The following RADIL variants were observed in gnomAD, a reference collection of about 807,000 sequenced individuals.
The protein encoded by RADIL is ras-associating and dilute domain-containing protein.
In RADIL, 99 loss-of-function variants were observed where a neutral mutation model predicts 97.6. That is an observed-to-expected ratio of 1.01 (90% CI 0.86 to 1.20). RADIL has a LOEUF of 1.20. Among genes scored for constraint, RADIL ranks in the 50% most tolerant of loss-of-function variants. The probability of loss-of-function intolerance (pLI) is 0.00; values close to 1 mark genes in which losing one functional copy is unlikely to be tolerated. For synonymous variants in RADIL, 803 were observed against 691.8 expected (o/e 1.16, Z -2.52); for missense variants, 1,765 against 1,498.9 (o/e 1.18, Z -2.93).
In RADIL at chr7:4,809,420, G is replaced by A. The variant is rs560294906; in HGVS notation, c.2140-3704C>T. 128 of 985,402 alleles carry A rather than the reference G, an allele frequency of 1.3e-4. 1 individual carries two copies. The South Asian group carries it at 4.9e-3, about 38-fold the overall frequency. The allele number at this position is 985,402 out of a possible 1,614,324, so 61.0% of individuals were successfully genotyped here. A position where few individuals can be genotyped will look rare whatever the true frequency, so the allele number is the denominator to read the frequency against. On this transcript the variant is annotated intron_variant, in intron 9 of 14. Transcript: ENST00000399583. Reference sequence around the variant, plus strand: ...TGAGTGTCGCTGCTGCCTCCTTTCCGTGCACACAGGAAACCACACATCTGA... The same window carrying A: ...TGAGTGTCGCTGCTGCCTCCTTTCCATGCACACAGGAAACCACACATCTGA...
intron 4 of RADIL, among the ~76,000 whole-genome samples, chr7:4,833,183 C>T (rs796485996): frequency 5.8e-4 from 89 of 152,320 alleles, no homozygotes; most frequent in African/African-American, 2.0e-3. Flanking sequence ...AAGTGACTTA[C>T]GGCCCCCTGG....
chr7:4,808,919 G>A (rs1177178316), intron 9 of RADIL: 129 of 795,216 alleles, frequency 1.6e-4, no homozygotes, highest in Non-Finnish European at 1.7e-4. Flanking sequence ...GCCCCCCCAC[G>A]TCTCCTTCCA....
chr7:4,866,577 A>C (rs1019139470), intron 2 of RADIL, among the ~76,000 whole-genome samples: 2 of 152,202 alleles, frequency 1.3e-5, no homozygotes, highest in Non-Finnish European at 2.9e-5. Flanking sequence ...GAAATCATTT[A>C]ATTGTCCATT....
In RADIL at chr7:4,849,301, T is replaced by A. The variant is rs538359318; in HGVS notation, c.536-12696A>T. Among the ~76,000 whole-genome samples, 3 of 152,312 alleles carry A rather than the reference T, an allele frequency of 2.0e-5. No individual in the cohort carries two copies. The South Asian group carries it at 6.2e-4, about 32-fold the overall frequency. ...AACTATTGCTTTAACTGTGCACATA[T>A]ATATATAACTTTGGTGAAAATAAGT... is the stretch of plus-strand genomic sequence containing the variant. On this transcript the variant is annotated intron_variant, in intron 2 of 14. Coordinates refer to ENST00000399583, the MANE Select transcript of RADIL (RefSeq NM_018059.5). This position sits in a 1 kb window ranked among gnomAD's most constrained non-coding sequence, Gnocchi z 5.4.
chr7:4,836,624 A>C lies in RADIL; in HGVS notation c.536-19T>G. On this transcript the variant is annotated intron_variant, in intron 2 of 14. Coordinates refer to ENST00000399583, the MANE Select transcript of RADIL (RefSeq NM_018059.5). ...TTTATCCCTGGAACAGAAGCAACAC[A>C]AGGTGAACAGTTAGAAGTCTCATAG... is the stretch of plus-strand genomic sequence containing the variant. 6.2e-7 allele frequency: 1 copy of C among 1,604,560 alleles called. No homozygotes were observed. The highest frequency in any genetic ancestry group is 1.1e-5 in the South Asian group (1 of 91,046).
At chr7:4,807,647 TTCTCTC>T (rs138969554) in intron 9 of RADIL, among the ~76,000 whole-genome samples, 5 of 38,278 alleles carry the variant, frequency 1.3e-4, no homozygotes, top group Admixed American at 6.2e-4. Context: ...CTCCCGCTCC[TTCTCTC>T]TCTCTGTCTC....
chr7:4,863,688 T>G lies in RADIL; in HGVS notation c.535+13917A>C, dbSNP rs557533382. ...CCCACCCAAGTCAAGAGAGAGAACTTCCTTTGCCATCTCCTTTCACCAGGT... is the reference window on the plus strand; with the variant it reads ...CCCACCCAAGTCAAGAGAGAGAACTGCCTTTGCCATCTCCTTTCACCAGGT... On this transcript the variant is annotated intron_variant, in intron 2 of 14. Transcript: ENST00000399583. Among the ~76,000 whole-genome samples the G allele has an allele frequency of 6.6e-5, 10 of 152,332 alleles. No individual in the cohort carries two copies. In the South Asian group the frequency reaches 1.9e-3, roughly 28 times the overall value.
intron 1 of RADIL, chr7:4,881,967 CCA>C (rs948072716): frequency 2.0e-5 from 3 of 151,814 alleles, no homozygotes; most frequent in African/African-American, 7.3e-5. Context: ...CCTGCTTTTC[CCA>C]CAGTTTCCGG....
rs28488698 is a variant in RADIL at position 4,816,549 on chromosome 7, C to A, written c.1729-84G>T. 2.1e-3 allele frequency: 2,330 copies of A among 1,109,992 alleles called. 35 individuals carry two copies. In the African/African-American group the frequency reaches 0.032, roughly 15 times the overall value. The allele number at this position is 1,109,992 out of a possible 1,614,324, so 68.8% of individuals were successfully genotyped here. A position where few individuals can be genotyped will look rare whatever the true frequency, so the allele number is the denominator to read the frequency against. On this transcript the variant is annotated intron_variant, in intron 7 of 14. Coordinates refer to ENST00000399583, the MANE Select transcript of RADIL (RefSeq NM_018059.5). ...GGGGGGCCTGACCCAGCGAGCTCCCCACCCACGCACTGCTTGCAGGGACCC... is the reference window on the plus strand; with the variant it reads ...GGGGGGCCTGACCCAGCGAGCTCCCAACCCACGCACTGCTTGCAGGGACCC...
chr7:4,874,224 C>G (rs1187663907), intron 2 of RADIL, among the ~76,000 whole-genome samples: 1 of 152,252 alleles, frequency 6.6e-6, no homozygotes, highest in Non-Finnish European at 1.5e-5. Flanking sequence ...GGACATTTCT[C>G]TGTCCAGGTA....
At chr7:4,826,163 G>A (rs1039185896) in intron 5 of RADIL, among the ~76,000 whole-genome samples, 5 of 151,934 alleles carry the variant, frequency 3.3e-5, no homozygotes, top group African/African-American at 1.2e-4. Context: ...AGCTCTGACT[G>A]TACCACTGCA....
At chr7:4,861,737 G>A (rs779226765) in intron 2 of RADIL, 6 of 1,517,542 alleles carry the variant, frequency 4.0e-6, no homozygotes, top group South Asian at 2.7e-5. Context: ...ACTGATAGGC[G>A]AGGAGACGCC....
chr7:4,838,004 C>A, intron 2 of RADIL: 1 of 985,410 alleles, frequency 1.0e-6, no homozygotes, highest in Non-Finnish European at 1.2e-6. Flanking sequence ...AAGACCCTTA[C>A]CAGCGCCAGC....
Position 4,837,780 on chromosome 7 carries a change from T to C in RADIL, c.536-1175A>G, listed in dbSNP as rs1161029108. The C allele has an allele frequency of 4.1e-5, 38 of 934,414 alleles. No homozygotes were observed. The highest frequency in any genetic ancestry group is 4.8e-5 in the Non-Finnish European group (38 of 783,826). 57.9% of individuals were successfully genotyped at this position (934,414 alleles called of 1,614,324 possible). On this transcript the variant is annotated intron_variant, in intron 2 of 14. Coordinates refer to ENST00000399583, the MANE Select transcript of RADIL (RefSeq NM_018059.5). The surrounding 1 kb of genome is among the most constrained non-coding windows in gnomAD (Gnocchi z 5.6). ...CATAAATACAGACACGCTCTCTAAA[T>C]GCATGCTCTGGGAAAGCCAGCCGGC...
At chr7:4,801,302 T>C (rs963362396) in intron 12 of RADIL, among the ~76,000 whole-genome samples, 4 of 152,156 alleles carry the variant, frequency 2.6e-5, no homozygotes, top group African/African-American at 9.7e-5. Context: ...CTCCACCTTC[T>C]CCCTGAAGAC....
In RADIL at chr7:4,835,080, G is replaced by C. The variant is rs1341491916; in HGVS notation, c.943C>G (p.Leu315Val). 1 of 1,607,320 alleles carries C rather than the reference G, an allele frequency of 6.2e-7. No homozygotes were observed. Among genetic ancestry groups the C allele is most frequent in the Non-Finnish European group, 8.5e-7 (1 of 1,177,376 alleles). ...GCCCCGGGGATGGGCTCCAGGACCAGCCTCCCCGCGGCCTGGCCGCTGTCC... is the reference window on the plus strand; with the variant it reads ...GCCCCGGGGATGGGCTCCAGGACCACCCTCCCCGCGGCCTGGCCGCTGTCC... ...LPDSGQAAGR[L>V]VLEPIPGAHI... Residue 315 changes from leucine (L) to valine (V), a missense_variant, in exon 4 of 15, where the codon CTG becomes GTG. Leu to Val is a conservative substitution (Grantham distance 32, BLOSUM62 1). Transcript: ENST00000399583. The surrounding 1 kb of genome is among the most constrained non-coding windows in gnomAD (Gnocchi z 5.8).
chr7:4,878,254 G>A lies in RADIL; in HGVS notation c.-64-51C>T, dbSNP rs373067625. 48 of 1,175,756 alleles carry A rather than the reference G, an allele frequency of 4.1e-5. No individual in the cohort carries two copies. The highest frequency in any genetic ancestry group is 2.8e-4 in the African/African-American group (18 of 64,040). The allele number at this position is 1,175,756 out of a possible 1,614,324, so 72.8% of individuals were successfully genotyped here. On this transcript the variant is annotated intron_variant, in intron 1 of 14. Coordinates refer to ENST00000399583, the MANE Select transcript of RADIL (RefSeq NM_018059.5). This position sits in a 1 kb window ranked among gnomAD's most constrained non-coding sequence, Gnocchi z 4.1. ...GCGCCAACCATCGTGACCACCAAGAGCAAATGAGGCCACAGGCGGTGACTC... is the reference window on the plus strand; with the variant it reads ...GCGCCAACCATCGTGACCACCAAGAACAAATGAGGCCACAGGCGGTGACTC...
At position 4,873,046 on chromosome 7, in the gene RADIL, T is replaced by G. The variant is rs933382434; in HGVS notation, c.535+4559A>C. On this transcript the variant is annotated intron_variant, in intron 2 of 14. Coordinates refer to ENST00000399583, the MANE Select transcript of RADIL (RefSeq NM_018059.5). The surrounding 1 kb of genome is among the most constrained non-coding windows in gnomAD (Gnocchi z 4.3). ...TCCGCCTCCTGGGTTCAAGCGATTC[T>G]CTGCCTCCCAAGTAGCTGGGATTAC... is the stretch of plus-strand genomic sequence containing the variant. Among the ~76,000 whole-genome samples, 13 of 152,212 alleles carry G rather than the reference T, an allele frequency of 8.5e-5. No homozygotes were observed. The highest frequency in any genetic ancestry group is 3.1e-4 in the African/African-American group (13 of 41,450).
At chr7:4,865,296 A>G in intron 2 of RADIL, 1 of 456,604 alleles carries the variant, frequency 2.2e-6, no homozygotes. Context: ...TGGACAACAG[A>G]CCATATATAC....
Sources: gnomAD v4.1 joint callset for allele counts (sites outside exome capture counted in the v4.1 genomes callset) on GRCh38, gnomAD v4.1.1 for gene constraint, Gnocchi (gnomAD v3.1) non-coding constraint, MANE v1.5 for transcripts, NCBI Gene and HGNC (gene_info 2026-07-23, HGNC 2026-07-21) for gene names.